The following RGS7 variants were observed in gnomAD, a reference collection of about 807,000 sequenced individuals.
RGS7 encodes regulator of G protein signaling 7, also known as regulator of G-protein signaling 7.
RGS7 carries 27 observed loss-of-function variants against 81.1 expected under a neutral mutation model. The ratio of observed to expected loss-of-function variants is 0.33; its 90% CI spans 0.25 to 0.46. The LOEUF (loss-of-function observed/expected upper bound fraction) is 0.46, where lower values mean the gene tolerates loss of function less well. RGS7 is among the 20% of genes least tolerant of loss of function. The pLI is 1.00. For missense variants in RGS7, 396 were observed against 607.4 expected (o/e 0.65, Z 3.66); for synonymous variants, 208 against 207.7 (o/e 1.00, Z -0.01).
At chr1:241,248,338 T>C (rs2076651915) in intron 2 of RGS7, among the ~76,000 whole-genome samples, 1 of 148,414 alleles carries the variant, frequency 6.7e-6, no homozygotes, top group African/African-American at 2.5e-5. Flanking sequence ...CTGGGTCCTG[T>C]TGTAGATATA....
intron 2 of RGS7, among the ~76,000 whole-genome samples, chr1:241,297,848 C>T (rs1427138599): frequency 6.6e-6 from 1 of 152,114 alleles, no homozygotes; most frequent in Non-Finnish European, 1.5e-5. Flanking sequence ...AAAGTAAAAT[C>T]AAACAACCTG....
At chr1:240,909,165 T>C (rs557835118) in intron 6 of RGS7, among the ~76,000 whole-genome samples, 2 of 152,198 alleles carry the variant, frequency 1.3e-5, no homozygotes, top group Non-Finnish European at 2.9e-5. Context: ...TTTCAGAGAC[T>C]GATGTTTATG....
At chr1:241,001,145 T>C (rs1231195331) in intron 3 of RGS7, among the ~76,000 whole-genome samples, 1 of 152,164 alleles carries the variant, frequency 6.6e-6, no homozygotes, top group Non-Finnish European at 1.5e-5. Flanking sequence ...TGTGTGTGTG[T>C]TTTCATAGGC....
At chr1:241,175,598 T>C (rs2071074492) in intron 2 of RGS7, among the ~76,000 whole-genome samples, 1 of 152,116 alleles carries the variant, frequency 6.6e-6, no homozygotes, top group Non-Finnish European at 1.5e-5. Flanking sequence ...AGCCAGACCA[T>C]GATAAATACC....
At chr1:241,196,214 G>A (rs950304532) in intron 2 of RGS7, among the ~76,000 whole-genome samples, 12 of 152,022 alleles carry the variant, frequency 7.9e-5, no homozygotes, top group African/African-American at 2.9e-4. Context: ...CTTTAGAAAG[G>A]GGTGGGGGCA....
At chr1:241,134,936 G>T (rs1390225822) in intron 2 of RGS7, among the ~76,000 whole-genome samples, 1 of 150,418 alleles carries the variant, frequency 6.6e-6, no homozygotes, top group Non-Finnish European at 1.5e-5. Flanking sequence ...CACCTACCCC[G>T]GCCGGAAGAC....
At chr1:241,329,967 G>A (rs890614178) in intron 2 of RGS7, among the ~76,000 whole-genome samples, 2 of 151,636 alleles carry the variant, frequency 1.3e-5, no homozygotes, top group Non-Finnish European at 2.9e-5. Context: ...TTGAGATGGA[G>A]TCTCGCTCTA....
chr1:240,897,188 G>A (rs1183509927), intron 6 of RGS7, among the ~76,000 whole-genome samples: 4 of 152,178 alleles, frequency 2.6e-5, no homozygotes, highest in Non-Finnish European at 4.4e-5. Context: ...GTGCTGAGAT[G>A]ATGGGGTTTT....
intron 6 of RGS7, among the ~76,000 whole-genome samples, chr1:240,897,483 T>C (rs1399921839): frequency 1.3e-5 from 2 of 152,226 alleles, no homozygotes; most frequent in African/African-American, 4.8e-5. Context: ...TGAGAATTTT[T>C]AGCATGAAGT....
chr1:241,159,700 G>C (rs1256965251), intron 2 of RGS7, among the ~76,000 whole-genome samples: 4 of 152,094 alleles, frequency 2.6e-5, no homozygotes, highest in African/African-American at 7.2e-5. Flanking sequence ...ACTGGAAGTA[G>C]GACAGTTTGG....
chr1:241,032,700 G>A lies in RGS7; in HGVS notation c.176-49571C>T, dbSNP rs75854907. ...AATTTCCCTCTCAGAGATCTTTCAC[G>A]TCCTTCGTTACATATATTCCTATTT... On this transcript the variant is annotated intron_variant, in intron 3 of 18. Coordinates refer to ENST00000440928, the MANE Select transcript of RGS7 (RefSeq NM_001364886.1). 3.7e-3 allele frequency among the ~76,000 whole-genome samples: 568 copies of A among 152,102 alleles called. 2 individuals carry two copies. The highest frequency in any genetic ancestry group is 0.013 in the African/African-American group (523 of 41,508).
intron 3 of RGS7, among the ~76,000 whole-genome samples, chr1:241,015,330 T>G (rs1316641211): frequency 6.6e-6 from 1 of 152,216 alleles, no homozygotes; most frequent in African/African-American, 2.4e-5. Flanking sequence ...AAAAATATAA[T>G]GCAGAAACTA....
chr1:241,003,013 A>C lies in RGS7; in HGVS notation c.176-19884T>G, dbSNP rs149021103. Among the ~76,000 whole-genome samples, 102 of 152,358 alleles carry C rather than the reference A, an allele frequency of 6.7e-4. 1 individual carries two copies. The East Asian group carries it at 0.019, about 28-fold the overall frequency. On this transcript the variant is annotated intron_variant, in intron 3 of 18. Transcript: ENST00000440928. ...TTTGTAGGATACTTTTACAATACTTATAAATTTATAGTTATTACTTTTATA... is the reference window on the plus strand; with the variant it reads ...TTTGTAGGATACTTTTACAATACTTCTAAATTTATAGTTATTACTTTTATA...
chr1:240,997,492 C>A (rs559605487), intron 3 of RGS7, among the ~76,000 whole-genome samples: 1 of 152,032 alleles, frequency 6.6e-6, no homozygotes, highest in Non-Finnish European at 1.5e-5. Context: ...TCATATCAGA[C>A]GTTGTTACAT....
Position 240,860,939 on chromosome 1 carries a change from G to T in RGS7, c.609+7648C>A, listed in dbSNP as rs75655624. On this transcript the variant is annotated intron_variant, in intron 9 of 18. Coordinates refer to ENST00000440928, the MANE Select transcript of RGS7 (RefSeq NM_001364886.1). ...AAACTCACTGTTCCAAATCTGCTAC[G>T]AACCCTTAGCAAAATCCTTTGTAAA... 5.1e-3 allele frequency among the ~76,000 whole-genome samples: 772 copies of T among 152,122 alleles called. 7 individuals are homozygous for T. Among genetic ancestry groups the T allele is most frequent in the African/African-American group, 0.018 (737 of 41,474 alleles).
chr1:240,893,090 G>C (rs1169165838), intron 6 of RGS7, among the ~76,000 whole-genome samples: 1 of 152,058 alleles, frequency 6.6e-6, no homozygotes, highest in Non-Finnish European at 1.5e-5. Flanking sequence ...TGTAGTTCTT[G>C]AACTCCCAAG....
intron 18 of RGS7, among the ~76,000 whole-genome samples, chr1:240,793,317 A>G (rs971759475): frequency 1.3e-5 from 2 of 152,124 alleles, no homozygotes; most frequent in Non-Finnish European, 2.9e-5. Context: ...GATACATTGC[A>G]CACCAATCGA....
Position 241,040,496 on chromosome 1 carries a change from TTTAC to T in RGS7, c.176-57371_176-57368del, listed in dbSNP as rs764573369. ...ACTTTTCTTTTTATTTATTTATTTATTTACTTATTTATTTATTTATTTAAGACTG... is the reference window on the plus strand; with the variant it reads ...ACTTTTCTTTTTATTTATTTATTTATTTATTTATTTATTTATTTAAGACTG... On this transcript the variant is annotated intron_variant, in intron 3 of 18. Coordinates refer to ENST00000440928, the MANE Select transcript of RGS7 (RefSeq NM_001364886.1). Among the ~76,000 whole-genome samples, 711 of 151,690 alleles carry T rather than the reference TTTAC, an allele frequency of 4.7e-3. 6 individuals are homozygous for T. The highest frequency in any genetic ancestry group is 0.014 in the African/African-American group (570 of 41,470).
chr1:241,152,591 G>A (rs540595620), intron 2 of RGS7, among the ~76,000 whole-genome samples: 3 of 152,280 alleles, frequency 2.0e-5, no homozygotes, highest in African/African-American at 7.2e-5. Context: ...CATGCTCCTC[G>A]TCAGGTACTT....
Sources: allele counts gnomAD v4.1 joint callset (sites outside exome capture counted in the v4.1 genomes callset), GRCh38; gene constraint gnomAD v4.1.1; transcripts MANE v1.5; gene names NCBI Gene and HGNC (gene_info 2026-07-23, HGNC 2026-07-21).